Variants in VCAN observed in about 807,000 individuals in gnomAD.
The protein encoded by VCAN is versican core protein.
Under a neutral mutation model 245.5 loss-of-function variants are expected in VCAN, and 44 were observed. The observed-to-expected ratio is 0.18, with a 90% CI of 0.14 to 0.23. The LOEUF (loss-of-function observed/expected upper bound fraction) is 0.23. Ranked by LOEUF, VCAN falls within the 10% of genes least tolerant of loss-of-function variation. The probability of loss-of-function intolerance (pLI) is 1.00; values close to 1 mark genes in which losing one functional copy is unlikely to be tolerated. For missense variants in VCAN, 3,793 were observed against 4,057.9 expected (o/e 0.93, Z 1.77); for synonymous variants, 1,413 against 1,437.0 (o/e 0.98, Z 0.38).
At position 83,539,822 on chromosome 5, in the gene VCAN, T is replaced by C. The variant is rs777154460; in HGVS notation, c.6819T>C (p.Phe2273=). ...LPTLPTESVN[F]TEVEQINNTL... is the part of the protein sequence containing the mutation. ...CTCTACCAACAGAGTCAGTGAATTTTACTGAAGTGGAACAAATCAATAACA... is the reference window on the plus strand; with the variant it reads ...CTCTACCAACAGAGTCAGTGAATTTCACTGAAGTGGAACAAATCAATAACA... The change falls in exon 8 of 15, where the codon TTT becomes TTC. Residue 2273 remains phenylalanine (F), a synonymous_variant. Coordinates refer to ENST00000265077, the MANE Select transcript of VCAN (RefSeq NM_004385.5). 5 of 1,614,058 alleles carry C rather than the reference T, an allele frequency of 3.1e-6. No individual in the cohort carries two copies. The South Asian group carries it at 4.4e-5, about 14-fold the overall frequency.
chr5:83,572,612 A>G (rs776023596), intron 13 of VCAN, 52 bp downstream of exon 13: 1 of 1,607,634 alleles, frequency 6.2e-7, no homozygotes, highest in Non-Finnish European at 8.5e-7. Flanking sequence ...TCAATTATAA[A>G]GATAATTCAG....
In VCAN at chr5:83,522,124, C is replaced by G; in HGVS notation, c.3818C>G (p.Thr1273Ser). 6.2e-7 allele frequency: 1 copy of G among 1,613,954 alleles called. No homozygotes were observed. The highest frequency in any genetic ancestry group is 8.5e-7 in the Non-Finnish European group (1 of 1,180,026). ...LEDIVAKETE[T>S]DIDREYFTTS... ...GATATTGTAGCCAAGGAAACAGAAA[C>G]CGATATTGATAGAGAGTATTTCACG... Residue 1273 changes from threonine (T) to serine (S), a missense_variant, in exon 7 of 15, where the codon ACC (threonine) becomes AGC (serine). Thr to Ser is a moderately conservative substitution (Grantham distance 58, BLOSUM62 1). Coordinates refer to ENST00000265077, the MANE Select transcript of VCAN (RefSeq NM_004385.5).
chr5:83,537,985 A>C lies in VCAN; in HGVS notation c.4982A>C (p.Gln1661Pro). ...TMFTMVTDLS[Q>P]RNTTDTLITL... ...TTCACCATGGTAACTGATTTATCACAGAGAAATACTACTGATACACTCATT... is the reference window on the plus strand; with the variant it reads ...TTCACCATGGTAACTGATTTATCACCGAGAAATACTACTGATACACTCATT... The change falls in exon 8 of 15, where the codon CAG (glutamine) becomes CCG (proline). Residue 1661 changes from glutamine to proline, a missense_variant. By Grantham distance (76) the Gln-to-Pro change is moderately conservative. Coordinates refer to ENST00000265077, the MANE Select transcript of VCAN (RefSeq NM_004385.5). 6.2e-7 allele frequency: 1 copy of C among 1,613,986 alleles called. No individual in the cohort carries two copies. Among genetic ancestry groups the C allele is most frequent in the Non-Finnish European group, 8.5e-7 (1 of 1,179,944 alleles).
chr5:83,560,300 C>T (rs937071443), intron 12 of VCAN, among the ~76,000 whole-genome samples: 2 of 152,008 alleles, frequency 1.3e-5, no homozygotes, highest in Admixed American at 1.3e-4. Context: ...TCCAGATAGG[C>T]ACATATTCCG....
chr5:83,520,408 A>T lies in VCAN; in HGVS notation c.2102A>T (p.Asp701Val). 1 of 1,613,568 alleles carries T rather than the reference A, an allele frequency of 6.2e-7. No homozygotes were observed. Residue 701 changes from aspartate (D) to valine (V), a missense_variant, in exon 7 of 15, where the codon GAT becomes GTT. Coordinates refer to ENST00000265077, the MANE Select transcript of VCAN (RefSeq NM_004385.5). ...IPEMRTDTYT[D>V]EIQEEITKSP... Reference sequence around the variant, plus strand: ...GAGATGAGAACAGATACTTATACAGATGAAATACAAGAAGAGATCACTAAA... The same window carrying T: ...GAGATGAGAACAGATACTTATACAGTTGAAATACAAGAAGAGATCACTAAA...
intron 5 of VCAN, among the ~76,000 whole-genome samples, chr5:83,505,256 C>T (rs141625129): frequency 6.6e-6 from 1 of 152,120 alleles, no homozygotes. Context: ...AGTCCAAAGT[C>T]TCATTTGAGA....
intron 7 of VCAN, among the ~76,000 whole-genome samples, chr5:83,523,470 T>A (rs1746178217): frequency 6.6e-6 from 1 of 151,936 alleles, no homozygotes. Context: ...TCGAGTATCA[T>A]TTTTCTGAAG....
At chr5:83,491,361 G>C (rs573393224) in intron 3 of VCAN, among the ~76,000 whole-genome samples, 1 of 152,162 alleles carries the variant, frequency 6.6e-6, no homozygotes, top group African/African-American at 2.4e-5. Flanking sequence ...TATACAAAGG[G>C]TTTTATTAAA....
chr5:83,577,037 A>T (rs1403384661), intron 13 of VCAN, among the ~76,000 whole-genome samples: 1 of 152,054 alleles, frequency 6.6e-6, no homozygotes, highest in Non-Finnish European at 1.5e-5. Flanking sequence ...CCCTTACCTT[A>T]TGATATTTTC....
In VCAN at chr5:83,540,690, A is replaced by G. The variant is rs1028509030; in HGVS notation, c.7687A>G (p.Ile2563Val). ...AATATTGACAATTACAGAGAGTACC[A>G]TCCTTGAAATTCTACCTGAGCTGAC... is the stretch of plus-strand genomic sequence containing the variant. Reference protein sequence around the residue: ...DLILTITESTILEILPELTSD... With the variant: ...DLILTITESTVLEILPELTSD... The change falls in exon 8 of 15, where the codon ATC becomes GTC. Residue 2563 changes from isoleucine (I) to valine (V), a missense_variant. By Grantham distance (29) the Ile-to-Val change is conservative. Coordinates refer to ENST00000265077, the MANE Select transcript of VCAN (RefSeq NM_004385.5). 2.5e-6 allele frequency: 4 copies of G among 1,614,022 alleles called. No individual in the cohort carries two copies. The highest frequency in any genetic ancestry group is 1.1e-5 in the South Asian group (1 of 91,078).
chr5:83,556,927 G>A (rs1339956056), intron 12 of VCAN, among the ~76,000 whole-genome samples: 2 of 152,024 alleles, frequency 1.3e-5, no homozygotes, highest in Admixed American at 6.6e-5. Context: ...GTTTTAGGGT[G>A]CCCACTATTA....
At position 83,537,589 on chromosome 5, in the gene VCAN, T is replaced by C. The variant is rs201782411; in HGVS notation, c.4586T>C (p.Val1529Ala). ...TCAGTCACAGAGAGAGATACTGAAG[T>C]TGGTCATCAGGCACATGAACATACT... is the stretch of plus-strand genomic sequence containing the variant. Reference protein sequence around the residue: ...AESVTERDTEVGHQAHEHTEP... With the variant: ...AESVTERDTEAGHQAHEHTEP... The change falls in exon 8 of 15, where the codon GTT (valine) becomes GCT (alanine). Residue 1529 changes from valine (V) to alanine (A), a missense_variant. Physicochemically the swap from Val to Ala is moderately conservative, Grantham distance 64 (BLOSUM62 0). This residue lies in a region of VCAN where 3,182 missense variants were observed against 3,250.3 expected (regional missense o/e 0.98). Transcript: ENST00000265077. 1 of 1,613,762 alleles carries C rather than the reference T, an allele frequency of 6.2e-7. No homozygotes were observed. The highest frequency in any genetic ancestry group is 8.5e-7 in the Non-Finnish European group (1 of 1,179,876).
chr5:83,561,133 C>A (rs751316656), intron 12 of VCAN, among the ~76,000 whole-genome samples: 4 of 152,074 alleles, frequency 2.6e-5, no homozygotes, highest in Admixed American at 6.6e-5. Flanking sequence ...ATTGTCAGGA[C>A]TCAAATGTCA....
Position 83,572,578 on chromosome 5 carries a change from A to G in VCAN, c.9880+18A>G. 6.2e-7 allele frequency: 1 copy of G among 1,613,208 alleles called. No individual in the cohort carries two copies. Reference sequence around the variant, plus strand: ...AGGAACAGGTAATGATCACCCTGTTAATAATGTGTACTTAATCTTCATTTC... The same window carrying G: ...AGGAACAGGTAATGATCACCCTGTTGATAATGTGTACTTAATCTTCATTTC... On this transcript the variant is annotated intron_variant, in intron 13 of 14. Transcript: ENST00000265077.
Position 83,520,129 on chromosome 5 carries a change from C to T in VCAN, c.1823C>T (p.Pro608Leu), listed in dbSNP as rs1332495308. 1.2e-6 allele frequency: 2 copies of T among 1,613,874 alleles called. No homozygotes were observed. Among genetic ancestry groups the T allele is most frequent in the East Asian group, 4.5e-5 (2 of 44,874 alleles). ...GTCTCAGCATCCACAACTGTTTCCC[C>T]TTTAATTATGCCTGATAATAATGGA... ...ESVSASTTVS[P>L]LIMPDNNGSS... is the part of the protein sequence containing the mutation. The change falls in exon 7 of 15, where the codon CCT (proline) becomes CTT (leucine). Residue 608 changes from proline (P) to leucine (L), a missense_variant. By Grantham distance (98) the Pro-to-Leu change is moderately conservative. Coordinates refer to ENST00000265077, the MANE Select transcript of VCAN (RefSeq NM_004385.5).
Position 83,539,733 on chromosome 5 carries a change from A to C in VCAN, c.6730A>C (p.Ile2244Leu). 1 of 1,613,832 alleles carries C rather than the reference A, an allele frequency of 6.2e-7. No homozygotes were observed. Among genetic ancestry groups the C allele is most frequent in the Non-Finnish European group, 8.5e-7 (1 of 1,179,990 alleles). Reference sequence around the variant, plus strand: ...TTTTCCGAAAGGCATGAGACCAACAATTCAAGAGTCAGATACTGAGCTCTT... The same window carrying C: ...TTTTCCGAAAGGCATGAGACCAACACTTCAAGAGTCAGATACTGAGCTCTT... ...KHFPKGMRPT[I>L]QESDTELLFS... The change falls in exon 8 of 15, where the codon ATT becomes CTT. Residue 2244 changes from isoleucine (I) to leucine (L), a missense_variant. This residue lies in a region of VCAN where 3,182 missense variants were observed against 3,250.3 expected (regional missense o/e 0.98). Transcript: ENST00000265077.
At chr5:83,477,950 T>A (rs200664304) in intron 1 of VCAN, among the ~76,000 whole-genome samples, 1 of 146,070 alleles carries the variant, frequency 6.8e-6, no homozygotes, top group Non-Finnish European at 1.5e-5. Flanking sequence ...ATAATTTTTT[T>A]CTTTTTTTTT....
At chr5:83,557,182 G>A (rs1346371409) in intron 12 of VCAN, among the ~76,000 whole-genome samples, 5 of 152,028 alleles carry the variant, frequency 3.3e-5, no homozygotes, top group Admixed American at 2.0e-4. Flanking sequence ...TGGAGTGTAC[G>A]AAAAATCTTT....
chr5:83,553,674 A>G, intron 11 of VCAN, 152 bp downstream of exon 11: 3 of 1,095,128 alleles, frequency 2.7e-6, no homozygotes, highest in Non-Finnish European at 2.6e-6. Flanking sequence ...CATCTCACCT[A>G]TGTTAAGTCC....
Sources: gnomAD v4.1 joint callset for allele counts (sites outside exome capture counted in the v4.1 genomes callset) on GRCh38, gnomAD v4.1.1 for gene constraint, gnomAD v4.1.1 regional missense constraint, MANE v1.5 for transcripts, NCBI Gene and HGNC (gene_info 2026-07-23, HGNC 2026-07-21) for gene names.